The following ZNF407 variants were observed in gnomAD, a reference collection of about 807,000 sequenced individuals.
ZNF407 encodes zinc finger protein 407.
In ZNF407, 17 loss-of-function variants were observed where a neutral mutation model predicts 131.2. That is an observed-to-expected ratio of 0.13 (90% CI 0.09 to 0.19). The LOEUF is 0.19. Ranked by LOEUF, ZNF407 falls within the 10% of genes least tolerant of loss-of-function variation. The pLI is 1.00. For missense variants in ZNF407, 2,681 were observed against 2,830.6 expected (o/e 0.95, Z 1.20); for synonymous variants, 1,156 against 1,062.0 (o/e 1.09, Z -1.72).
intron 3 of ZNF407, among the ~76,000 whole-genome samples, chr18:74,754,014 C>G (rs1012076782): frequency 1.3e-5 from 2 of 152,200 alleles, no homozygotes; most frequent in African/African-American, 2.4e-5. Flanking sequence ...ATTATTGTCT[C>G]AATTTCAGAG....
chr18:74,655,717 G>A (rs1568149243), intron 3 of ZNF407, among the ~76,000 whole-genome samples: 1 of 152,124 alleles, frequency 6.6e-6, no homozygotes, highest in Non-Finnish European at 1.5e-5. Context: ...TGAGGTGTGT[G>A]GGTGTGAGTG....
chr18:74,615,433 G>T (rs1259645296), intron 1 of ZNF407, among the ~76,000 whole-genome samples: 1 of 152,078 alleles, frequency 6.6e-6, no homozygotes, highest in East Asian at 1.9e-4. Flanking sequence ...TGAACCCGGG[G>T]GGCAGAGGTT....
intron 7 of ZNF407, among the ~76,000 whole-genome samples, chr18:74,899,664 C>A (rs1233941805): frequency 1.3e-5 from 2 of 152,146 alleles, no homozygotes; most frequent in African/African-American, 4.8e-5. Flanking sequence ...GGCAAATAGC[C>A]TGTATGGGAG....
chr18:74,964,803 G>C (rs577432887), intron 8 of ZNF407, among the ~76,000 whole-genome samples: 1 of 152,218 alleles, frequency 6.6e-6, no homozygotes, highest in South Asian at 2.1e-4. Flanking sequence ...TTCTCAAAGT[G>C]TTGCACAGAA....
chr18:74,787,635 C>A (rs1038481870), intron 4 of ZNF407, among the ~76,000 whole-genome samples: 1 of 152,220 alleles, frequency 6.6e-6, no homozygotes, highest in African/African-American at 2.4e-5. Context: ...CATCAAATAT[C>A]TGGATTCCAT....
At chr18:74,916,934 G>A (rs902988843) in intron 7 of ZNF407, among the ~76,000 whole-genome samples, 1 of 152,078 alleles carries the variant, frequency 6.6e-6, no homozygotes, top group Non-Finnish European at 1.5e-5. Flanking sequence ...AAAATTTATT[G>A]CTTACTGAGG....
intron 3 of ZNF407, among the ~76,000 whole-genome samples, chr18:74,741,641 A>G (rs1968552601): frequency 6.6e-6 from 1 of 152,176 alleles, no homozygotes; most frequent in Admixed American, 6.5e-5. Flanking sequence ...TCTATATCTG[A>G]TTCTCTTTCA....
At position 75,063,237 on chromosome 18, in the gene ZNF407, T is replaced by C. The variant is rs1450667546; in HGVS notation, c.5516T>C (p.Leu1839Ser). Residue 1839 changes from leucine to serine, a missense_variant, in exon 9 of 9, where the codon TTG (leucine) becomes TCG (serine). Physicochemically the swap from Leu to Ser is moderately radical, Grantham distance 145. Coordinates refer to ENST00000299687, the MANE Select transcript of ZNF407 (RefSeq NM_017757.3). This position sits in a 1 kb window ranked among gnomAD's most constrained non-coding sequence, Gnocchi z 6.6. ...ETDSPFTAAALAEEPLVKEKP... is the reference protein window; with the variant it reads ...ETDSPFTAAASAEEPLVKEKP... ...GACAGCCCCTTCACCGCGGCGGCCT[T>C]GGCAGAAGAGCCCCTCGTCAAGGAG... 6.2e-7 allele frequency: 1 copy of C among 1,613,518 alleles called. No homozygotes were observed. Among genetic ancestry groups the C allele is most frequent in the Non-Finnish European group, 8.5e-7 (1 of 1,179,856 alleles).
chr18:74,679,198 G>A (rs1048837150), intron 3 of ZNF407, among the ~76,000 whole-genome samples: 3 of 152,208 alleles, frequency 2.0e-5, no homozygotes, highest in African/African-American at 7.2e-5. Flanking sequence ...TCTAGTTCTA[G>A]TTTTCTGAAA....
rs17056154 is a variant in ZNF407, at chr18:75,011,282, G to A, written c.5429-51868G>A. On this transcript the variant is annotated intron_variant, in intron 8 of 8. Coordinates refer to ENST00000299687, the MANE Select transcript of ZNF407 (RefSeq NM_017757.3). ...AGCACTGTGGACTACCTTTCTCTGC[G>A]AATAAAAAGCATGTGTCCCTTACAC... Among the ~76,000 whole-genome samples, 663 of 152,198 alleles carry A rather than the reference G, an allele frequency of 4.4e-3. 6 individuals carry two copies. Among genetic ancestry groups the A allele is most frequent in the African/African-American group, 0.015 (611 of 41,528 alleles).
chr18:74,641,585 G>C (rs1251530747), intron 3 of ZNF407, among the ~76,000 whole-genome samples: 1 of 152,108 alleles, frequency 6.6e-6, no homozygotes, highest in Non-Finnish European at 1.5e-5. Context: ...GCTGGTTACT[G>C]ATTATTACAG....
chr18:74,755,905 T>TTTC (rs1243713914), intron 3 of ZNF407, among the ~76,000 whole-genome samples: 1 of 104,952 alleles, frequency 9.5e-6, no homozygotes, highest in Non-Finnish European at 1.9e-5. Flanking sequence ...TTTTTTTTTT[T>TTTC]TTTTTTGAGA....
intron 4 of ZNF407, among the ~76,000 whole-genome samples, chr18:74,839,783 G>T (rs1027624740): frequency 2.0e-5 from 3 of 152,068 alleles, no homozygotes; most frequent in Non-Finnish European, 2.9e-5. Context: ...CATTTATGAA[G>T]ATTTTACCAA....
intron 2 of ZNF407, among the ~76,000 whole-genome samples, chr18:74,636,949 T>C (rs1217375536): frequency 2.0e-5 from 3 of 152,250 alleles, no homozygotes; most frequent in Admixed American, 6.5e-5. Context: ...GCAGAAAATA[T>C]GTACTTTCTT....
At chr18:74,672,445 CTGTTCATTGGAGCACTGTT>C (rs150134627) in intron 3 of ZNF407, among the ~76,000 whole-genome samples, 1 of 144,878 alleles carries the variant, frequency 6.9e-6, no homozygotes, top group South Asian at 2.3e-4. Flanking sequence ...CACTGTTTGT[CTGTTCATTGGAGCACTGTT>C]TGTTCATTGG....
chr18:74,828,456 A>T (rs1045969481), intron 4 of ZNF407, among the ~76,000 whole-genome samples: 1 of 152,198 alleles, frequency 6.6e-6, no homozygotes, highest in Non-Finnish European at 1.5e-5. Context: ...TTTTACCCAG[A>T]TTTATATCTG....
chr18:74,765,096 G>A (rs509580), intron 3 of ZNF407, among the ~76,000 whole-genome samples: 54,557 of 152,004 alleles, frequency 0.36, 11,745 homozygotes, highest in African/African-American at 0.6. Context: ...TTATTTTTAT[G>A]TAAGGGACTT....
At chr18:74,645,307 G>C (rs1047451175) in intron 3 of ZNF407, among the ~76,000 whole-genome samples, 1 of 151,890 alleles carries the variant, frequency 6.6e-6, no homozygotes, top group Non-Finnish European at 1.5e-5. Context: ...CTAATAATTG[G>C]CCTGTGATTT....
chr18:74,694,340 C>T (rs1322211742), intron 3 of ZNF407, among the ~76,000 whole-genome samples: 2 of 152,102 alleles, frequency 1.3e-5, no homozygotes, highest in Non-Finnish European at 2.9e-5. Flanking sequence ...GAAGAAGAAT[C>T]ATTCTGGCTG....
Sources: allele counts gnomAD v4.1 joint callset (sites outside exome capture counted in the v4.1 genomes callset), GRCh38; gene constraint gnomAD v4.1.1; non-coding constraint Gnocchi (gnomAD v3.1); transcripts MANE v1.5; gene names NCBI Gene and HGNC (gene_info 2026-07-23, HGNC 2026-07-21).